SEMA4B: variants seen among roughly 807,000 people sequenced by gnomAD.
SEMA4B encodes the protein semaphorin 4B, also known as semaphorin-4B.
In SEMA4B, 55 loss-of-function variants were observed where a neutral mutation model predicts 88.1. That is an observed-to-expected ratio of 0.62 (90% CI 0.50 to 0.78). The LOEUF (loss-of-function observed/expected upper bound fraction) is 0.78. SEMA4B is among the 30% of genes least tolerant of loss of function. The pLI is 0.00. For missense variants in SEMA4B, 1,062 were observed against 1,111.9 expected, an observed-to-expected ratio of 0.96 and a Z score of 0.64; for synonymous variants, 525 against 473.6, an observed-to-expected ratio of 1.11 and a Z score of -1.41.
chr15:90,215,904 T>C (rs1961512530), intron 1 of SEMA4B, among the ~76,000 whole-genome samples: 2 of 152,164 alleles, frequency 1.3e-5, no homozygotes, highest in South Asian at 4.1e-4. Context: ...AAAACGTCTG[T>C]CCTCCCTCAC....
intron 1 of SEMA4B, among the ~76,000 whole-genome samples, chr15:90,204,831 A>G (rs890315340): frequency 6.6e-6 from 1 of 152,196 alleles, no homozygotes; most frequent in Non-Finnish European, 1.5e-5. Flanking sequence ...GCTGGAGTAC[A>G]GTGATGCCAT....
rs1281933358 is a variant in SEMA4B, at chr15:90,228,286, G to A, written c.2157G>A (p.Leu719=). 1 of 1,590,130 alleles carries A rather than the reference G, an allele frequency of 6.3e-7. No individual in the cohort carries two copies. The highest frequency in any genetic ancestry group is 1.2e-5 in the South Asian group (1 of 86,814). ...ACAGGTCCTACTGGAAGGAGTTCCT[G>A]GTGATGTGCACGCTCTTTGTGCTGG... ...GADRSYWKEF[L]VMCTLFVLAV... The change falls in exon 14 of 14, where the codon CTG becomes CTA. Residue 719 remains leucine (L), a synonymous_variant. Transcript: ENST00000411539.
At chr15:90,186,353 C>T (rs1344774199) in intron 1 of SEMA4B, among the ~76,000 whole-genome samples, 2 of 152,076 alleles carry the variant, frequency 1.3e-5, no homozygotes, top group Non-Finnish European at 2.9e-5. Flanking sequence ...GGCATGGTGG[C>T]TCACGCCTGT....
At chr15:90,193,844 CTT>C (rs751116577) in intron 1 of SEMA4B, among the ~76,000 whole-genome samples, 4 of 143,226 alleles carry the variant, frequency 2.8e-5, no homozygotes, top group Non-Finnish European at 3.1e-5. Context: ...TCATAATATT[CTT>C]TTTTTTTTTT....
Position 90,217,292 on chromosome 15 carries a change from C to T in SEMA4B, c.158-147C>T, listed in dbSNP as rs1214227468. 5.8e-6 allele frequency: 4 copies of T among 690,158 alleles called. No individual in the cohort carries two copies. The Admixed American group carries it at 1.2e-4, about 21-fold the overall frequency. The allele number at this position is 690,158 out of a possible 1,614,324, so 42.8% of individuals were successfully genotyped here. ...CCAGGAATGCTGCTCGCCCATCAAA[C>T]CTGATCCCCCTGCCCCCAGCCCCTT... is the stretch of plus-strand genomic sequence containing the variant. On this transcript the variant is annotated intron_variant, in intron 1 of 13. Coordinates refer to ENST00000411539, the MANE Select transcript of SEMA4B (RefSeq NM_198925.4).
intron 1 of SEMA4B, among the ~76,000 whole-genome samples, chr15:90,185,331 A>T (rs571175065): frequency 6.6e-6 from 1 of 152,340 alleles, no homozygotes; most frequent in South Asian, 2.1e-4. Context: ...AGCAGCGTTC[A>T]CATCGCGCCA....
intron 1 of SEMA4B, among the ~76,000 whole-genome samples, chr15:90,191,569 G>A (rs111385772): frequency 0.019 from 2,879 of 152,318 alleles, 85 homozygotes; most frequent in African/African-American, 0.065. Context: ...GAGGTTCAGA[G>A]TGATTGTGTG....
upstream of SEMA4B, among the ~76,000 whole-genome samples, chr15:90,200,056 A>G (rs112225007): frequency 5.9e-5 from 9 of 152,350 alleles, no homozygotes; most frequent in African/African-American, 2.2e-4. Flanking sequence ...AGCCTGCACC[A>G]TGTCCACAGA....
rs550185749 is a variant in SEMA4B, at chr15:90,217,096, T to C, written c.158-343T>C. 424 of 185,942 alleles carry C rather than the reference T, an allele frequency of 2.3e-3. 1 individual carries two copies. Among genetic ancestry groups the C allele is most frequent in the African/African-American group, 9.1e-3 (388 of 42,862 alleles). 11.5% of individuals were successfully genotyped at this position (185,942 alleles called of 1,614,324 possible). ...GGAGCTTCTAATACATCATTTTTTT[T>C]CCCAGCTGTATAGTATTCAGTTGGA... On this transcript the variant is annotated intron_variant, in intron 1 of 13. Coordinates refer to ENST00000411539, the MANE Select transcript of SEMA4B (RefSeq NM_198925.4).
rs1961601545 is a variant in SEMA4B at position 90,217,674 on chromosome 15, C to G, written c.321+72C>G. On this transcript the variant is annotated intron_variant, in intron 2 of 13. Transcript: ENST00000411539. ...GAGGGAAGATGGACGGGAAGCTTGA[C>G]CTTCTGGGTCCAAGGATGATGCCTA... 1.9e-6 allele frequency: 3 copies of G among 1,603,834 alleles called. No homozygotes were observed. The Admixed American group carries it at 5.0e-5, about 27-fold the overall frequency.
At chr15:90,198,975 G>C (rs1391119792), upstream of SEMA4B, among the ~76,000 whole-genome samples, 1 of 152,314 alleles carries the variant, frequency 6.6e-6, no homozygotes, top group Admixed American at 6.5e-5. Context: ...CCCGGTTCAA[G>C]CAATTCTCCT....
rs1297500562 is a variant in SEMA4B at position 90,189,424 on chromosome 15, C to T, written c.-122+4343C>T. ...AGTAAGTCCTGGAACCTCTCTATGC[C>T]CCAATTTCTCACTTCTGAAATGGCA... is the stretch of plus-strand genomic sequence containing the variant. On this transcript the variant is annotated intron_variant, in intron 1 of 14. Transcript: ENST00000332496. 5.9e-5 allele frequency among the ~76,000 whole-genome samples: 9 copies of T among 152,218 alleles called. No individual in the cohort carries two copies. The East Asian group carries it at 1.5e-3, about 26-fold the overall frequency.
chr15:90,219,111 A>C (rs1208293551), intron 3 of SEMA4B: 4 of 152,274 alleles, frequency 2.6e-5, no homozygotes, highest in African/African-American at 4.8e-5. Flanking sequence ...GAGGAGGGAG[A>C]GCAGTGAGGG....
chr15:90,228,362 A>G lies in SEMA4B; in HGVS notation c.2233A>G (p.Lys745Glu). Residue 745 changes from lysine (K) to glutamate (E), a missense_variant, in exon 14 of 14, where the codon AAA (lysine) becomes GAA (glutamate). Lys to Glu is a moderately conservative substitution (Grantham distance 56). Transcript: ENST00000411539. ...FLLYRHRNSM[K>E]VFLKQGECAS... The stretch of plus-strand genomic sequence containing the variant: ...GCTCTACCGGCACCGGAACAGCATG[A>G]AAGTCTTCCTGAAGCAGGGGGAATG... 1 of 1,601,736 alleles carries G rather than the reference A, an allele frequency of 6.2e-7. No homozygotes were observed. The highest frequency in any genetic ancestry group is 8.5e-7 in the Non-Finnish European group (1 of 1,173,496).
chr15:90,204,299 G>A (rs1212525407), intron 1 of SEMA4B, among the ~76,000 whole-genome samples: 1 of 152,302 alleles, frequency 6.6e-6, no homozygotes, highest in East Asian at 1.9e-4. Flanking sequence ...CCCATGCCCC[G>A]TAAGGACCCA....
intron 3 of SEMA4B, among the ~76,000 whole-genome samples, chr15:90,218,548 G>A (rs1961647709): frequency 6.6e-6 from 1 of 152,218 alleles, no homozygotes; most frequent in Non-Finnish European, 1.5e-5. Flanking sequence ...AGCACTTCGG[G>A]AGGCTGAGGC....
chr15:90,201,744 C>A lies in SEMA4B; in HGVS notation c.157+9C>A. The A allele has an allele frequency of 1.4e-6, 2 of 1,394,610 alleles. No individual in the cohort carries two copies. The highest frequency in any genetic ancestry group is 1.9e-6 in the Non-Finnish European group (2 of 1,077,664). 86.4% of individuals were successfully genotyped at this position (1,394,610 alleles called of 1,614,324 possible). On this transcript the variant is annotated intron_variant, in intron 1 of 13. Transcript: ENST00000411539. ...GATCAGCCTGCCTCTGGGTGAGTGC[C>A]GGGGACCCGGGGACGCGGGCCGGGG... is the stretch of plus-strand genomic sequence containing the variant.
rs117432466 is a variant in SEMA4B at position 90,191,820 on chromosome 15, G to A, written c.-122+6739G>A. On this transcript the variant is annotated intron_variant, in intron 1 of 14. Coordinates refer to the SEMA4B transcript ENST00000332496. ...TGCTGACCCGGGGTGGATGCCCTCT[G>A]CTGCAGAAGGCGCTGCCCCAAGGAA... 1,465 of 152,402 alleles carry A rather than the reference G, an allele frequency of 9.6e-3. 9 individuals are homozygous for A. The highest frequency in any genetic ancestry group is 0.017 in the Non-Finnish European group (1,157 of 68,074). 9.4% of individuals were successfully genotyped at this position (152,402 alleles called of 1,614,324 possible).
intron 1 of SEMA4B, among the ~76,000 whole-genome samples, chr15:90,211,710 C>T (rs930253804): frequency 1.4e-4 from 22 of 152,148 alleles, no homozygotes; most frequent in African/African-American, 4.8e-4. Flanking sequence ...TCCCTGGGGA[C>T]GAAGGGCTAC....
Sources: allele counts gnomAD v4.1 joint callset (sites outside exome capture counted in the v4.1 genomes callset), GRCh38; gene constraint gnomAD v4.1.1; transcripts MANE v1.5; gene names NCBI Gene and HGNC (gene_info 2026-07-23, HGNC 2026-07-21).